Variants in PLXNA3 observed in about 807,000 individuals in gnomAD.
The protein encoded by PLXNA3 is plexin A3.
In PLXNA3, 52 loss-of-function variants were observed where a neutral mutation model predicts 118.8. That is an observed-to-expected ratio of 0.44 (90% CI 0.35 to 0.55). The LOEUF is 0.55. Ranked by LOEUF, PLXNA3 falls within the 20% of genes least tolerant of loss-of-function variation. The pLI, the probability that PLXNA3 is intolerant of heterozygous loss-of-function variation, is 0.01. For missense variants in PLXNA3, 1,660 were observed against 1,730.8 expected (o/e 0.96, Z 0.73); for synonymous variants, 925 against 762.4 (o/e 1.21, Z -3.51).
rs781904684 is a variant in PLXNA3, at chrX:154,461,434, G to A, written c.930G>A (p.Val310=). The change falls in exon 3 of 33, where the codon GTG becomes GTA. Residue 310 remains valine, a synonymous_variant. Coordinates refer to ENST00000369682, the MANE Select transcript of PLXNA3 (RefSeq NM_017514.5). ...PGLLLAQALG[V]PADEDVLFTI... ...TGCTGCTGGCCCAGGCCCTGGGCGT[G>A]CCGGCTGATGAGGACGTCCTCTTCA... 1.7e-6 allele frequency: 2 copies of A among 1,211,426 alleles called. No individual in the cohort carries two copies. Among genetic ancestry groups the A allele is most frequent in the East Asian group, 3.0e-5 (1 of 33,838 alleles).
Position 154,474,314 on chromosome X carries a change from T to C in PLXNA3, c.*1629T>C, listed in dbSNP as rs2069220670. The C allele has an allele frequency of 1.1e-4, 2 of 17,425 alleles. No individual in the cohort carries two copies. Among genetic ancestry groups the C allele is most frequent in the Non-Finnish European group, 4.4e-4 (1 of 2,292 alleles). The allele number at this position is 17,425 out of a possible 1,213,427, so 1.4% of individuals were successfully genotyped here. ...TTAGTGCACTCTACTATGCCAGGCT[T>C]TTTTTTTTTTTTTTTTTGAGATAGG... On this transcript the variant is annotated 3_prime_UTR_variant, in exon 33 of 33. Coordinates refer to ENST00000369682, the MANE Select transcript of PLXNA3 (RefSeq NM_017514.5).
chrX:154,469,764 C>T lies in PLXNA3; in HGVS notation c.4775C>T (p.Thr1592Ile), dbSNP rs1557208713. 6 of 1,208,991 alleles carry T rather than the reference C, an allele frequency of 5.0e-6. No individual in the cohort carries two copies. The Admixed American group carries it at 6.5e-5, about 13-fold the overall frequency. Reference protein sequence around the residue: ...AYNMANSFTFTRSLSRYESLL... With the variant: ...AYNMANSFTFIRSLSRYESLL... ...AACATGGCCAACTCCTTCACCTTCA[C>T]CCGCTCCCTCAGCCGCTACGGTAGG... Residue 1592 changes from threonine (T) to isoleucine (I), a missense_variant, in exon 28 of 33, where the codon ACC becomes ATC. By Grantham distance (89) the Thr-to-Ile change is moderately conservative (BLOSUM62 -1). This residue lies in a region of PLXNA3 where 869 missense variants were observed against 1,078.7 expected (regional missense o/e 0.81). Coordinates refer to ENST00000369682, the MANE Select transcript of PLXNA3 (RefSeq NM_017514.5).
At position 154,460,183 on chromosome X, in the gene PLXNA3, C is replaced by G; in HGVS notation, c.-1C>G. The stretch of plus-strand genomic sequence containing the variant: ...CCTGTCCCCAGGCGCGGCTGCCGGC[C>G]ATGCCCTCTGTCTGCCTCCTCCTGC... On this transcript the variant is annotated 5_prime_UTR_variant, in exon 2 of 33. Coordinates refer to ENST00000369682, the MANE Select transcript of PLXNA3 (RefSeq NM_017514.5). 8.4e-7 allele frequency: 1 copy of G among 1,193,287 alleles called. No individual in the cohort carries two copies. Among genetic ancestry groups the G allele is most frequent in the Non-Finnish European group, 1.1e-6 (1 of 881,427 alleles).
At position 154,462,069 on chromosome X, in the gene PLXNA3, G is replaced by A. The variant is rs782647389; in HGVS notation, c.1135-59G>A. 3.6e-4 allele frequency: 361 copies of A among 998,269 alleles called. 1 individual carries two copies. The highest frequency in any genetic ancestry group is 8.7e-4 in the Middle Eastern group (3 of 3,460). The allele number at this position is 998,269 out of a possible 1,213,427, so 82.3% of individuals were successfully genotyped here. On this transcript the variant is annotated intron_variant, in intron 3 of 32. Coordinates refer to ENST00000369682, the MANE Select transcript of PLXNA3 (RefSeq NM_017514.5). Reference sequence around the variant, plus strand: ...TCTCTTCTGGGACACAGGAACTGCCGGCCTCCATCTTGCGCCTGGGAGCTT... The same window carrying A: ...TCTCTTCTGGGACACAGGAACTGCCAGCCTCCATCTTGCGCCTGGGAGCTT...
chrX:154,464,069 G>A lies in PLXNA3; in HGVS notation c.1666G>A (p.Val556Met), dbSNP rs782366433. ...CAATGTGTCAGTGACGTCACCTGGG[G>A]TGCAGGTGAGCAGCTTGGGGGTGCC... is the stretch of plus-strand genomic sequence containing the variant. Reference protein sequence around the residue: ...PNNVSVTSPGVQLTVTLHNVP... With the variant: ...PNNVSVTSPGMQLTVTLHNVP... Residue 556 changes from valine (V) to methionine (M), a missense_variant, in exon 7 of 33, where the codon GTG becomes ATG. Coordinates refer to ENST00000369682, the MANE Select transcript of PLXNA3 (RefSeq NM_017514.5). 24 of 1,209,866 alleles carry A rather than the reference G, an allele frequency of 2.0e-5. No individual in the cohort carries two copies. In the South Asian group the frequency reaches 3.5e-4, roughly 18 times the overall value.
intron 9 of PLXNA3, 38 bp from the exon 10 acceptor site, chrX:154,464,716 A>G (rs2069046933): frequency 3.2e-6 from 3 of 950,043 alleles, no homozygotes; most frequent in South Asian, 2.3e-5. Flanking sequence ...GGGGCAGTGC[A>G]GCCTCCTCTG....
chrX:154,460,964 C>G, intron 2 of PLXNA3, 135 bp from the exon 3 acceptor site: 6 of 675,240 alleles, frequency 8.9e-6, no homozygotes, highest in African/African-American at 4.3e-5. Flanking sequence ...GCTGGTCACC[C>G]TGCCCTCTGC....
In PLXNA3 at chrX:154,463,483, G is replaced by A. The variant is rs150826326; in HGVS notation, c.1410G>A (p.Pro470=). The stretch of plus-strand genomic sequence containing the variant: ...TCCTCCGAGACCTGCTCTTCAGCCC[G>A]GACCACCGGCACATCTATCTCCTGA... ...SPILRDLLFS[P]DHRHIYLLSE... The change falls in exon 5 of 33, where the codon CCG becomes CCA. Residue 470 remains proline (P), a synonymous_variant. Transcript: ENST00000369682. 5.2e-4 allele frequency: 628 copies of A among 1,204,428 alleles called. 2 individuals carry two copies. The East Asian group carries it at 0.014, about 27-fold the overall frequency.
At chrX:154,461,069 C>T (rs202000751) in intron 2 of PLXNA3, 30 bp from the exon 3 acceptor site, 152 of 1,154,538 alleles carry the variant, frequency 1.3e-4, no homozygotes, top group Middle Eastern at 4.9e-4. Flanking sequence ...AGGGCCTCAC[C>T]GGATGCTGTC....
intron 27 of PLXNA3, 27 bp from the exon 28 acceptor site, chrX:154,469,661 G>T (rs1557208661): frequency 8.5e-7 from 1 of 1,173,079 alleles, no homozygotes; most frequent in South Asian, 1.8e-5. Flanking sequence ...TTCCTGCACT[G>T]CCCCCCTCTG....
intron 4 of PLXNA3, among the ~76,000 whole-genome samples, chrX:154,462,570 C>G (rs2068993548): frequency 8.9e-6 from 1 of 112,180 alleles, no homozygotes. Context: ...GAGAACAGAC[C>G]TATTGTGGAG....
intron 4 of PLXNA3, 87 bp downstream of exon 4, chrX:154,462,397 G>C: frequency 1.4e-6 from 1 of 736,510 alleles, no homozygotes; most frequent in Non-Finnish European, 1.9e-6. Flanking sequence ...AGAGCTCTGA[G>C]GACAGGACAG....
Position 154,464,886 on chromosome X carries a change from T to C in PLXNA3, c.2043+18T>C. The C allele has an allele frequency of 8.9e-7, 1 of 1,124,044 alleles. No homozygotes were observed. The highest frequency in any genetic ancestry group is 1.2e-6 in the Non-Finnish European group (1 of 826,935). 92.6% of individuals were successfully genotyped at this position (1,124,044 alleles called of 1,213,427 possible). On this transcript the variant is annotated intron_variant, in intron 10 of 32. Coordinates refer to ENST00000369682, the MANE Select transcript of PLXNA3 (RefSeq NM_017514.5). ...GCCCTGAGGTGAGGCGGGCGCCGCA[T>C]GTGAGGGGCTGGGCTCTGTGGTGCG...
chrX:154,467,721 C>G, intron 20 of PLXNA3, 33 bp downstream of exon 20: 1 of 1,203,222 alleles, frequency 8.3e-7, no homozygotes, highest in Middle Eastern at 2.3e-4. Flanking sequence ...CCTGGGCAGC[C>G]CAGGGTGGGC....
At position 154,460,676 on chromosome X, in the gene PLXNA3, C is replaced by G. The variant is rs781857218; in HGVS notation, c.493C>G (p.Leu165Val). 3.0e-5 allele frequency: 35 copies of G among 1,162,895 alleles called. No homozygotes were observed. Among genetic ancestry groups the G allele is most frequent in the Middle Eastern group, 4.8e-4 (2 of 4,165 alleles). The change falls in exon 2 of 33, where the codon CTG becomes GTG. Residue 165 changes from leucine (L) to valine (V), a missense_variant. Around this residue, in one of 2 missense-constraint regions of PLXNA3, gnomAD observed 791 missense variants for 652.1 expected, o/e 1.21. Transcript: ENST00000369682. ...GGAGCAGGGCCAGGGGCCCAGCAAG[C>G]TGTTTGTGGGCACTGCTGTCGACGG... ...IVEQGQGPSK[L>V]FVGTAVDGKS...
At chrX:154,469,519 T>G in intron 27 of PLXNA3, 37 bp downstream of exon 27, 2 of 1,091,312 alleles carry the variant, frequency 1.8e-6, no homozygotes, top group Non-Finnish European at 2.5e-6. Flanking sequence ...CAGGGCCACC[T>G]GGGAGCCAGG....
Position 154,474,776 on chromosome X carries a change from C to CTTTTT in PLXNA3, c.*2117_*2121dup, listed in dbSNP as rs782102676. On this transcript the variant is annotated 3_prime_UTR_variant, in exon 33 of 33. Coordinates refer to ENST00000369682, the MANE Select transcript of PLXNA3 (RefSeq NM_017514.5). Reference sequence around the variant, plus strand: ...ACAGGCGTGAGCCACCATGCCTGACCTTTTTTTTTTTTTTTTTTTTTTTTT... The same window carrying CTTTTT: ...ACAGGCGTGAGCCACCATGCCTGACCTTTTTTTTTTTTTTTTTTTTTTTTTTTTTT... 2 of 26,768 alleles carry CTTTTT rather than the reference C, an allele frequency of 7.5e-5. No homozygotes were observed. Among genetic ancestry groups the CTTTTT allele is most frequent in the African/African-American group, 1.2e-4 (1 of 8,537 alleles). 2.2% of individuals were successfully genotyped at this position (26,768 alleles called of 1,213,427 possible).
At position 154,477,514 on chromosome X, in the gene PLXNA3, AAAT is replaced by A. The variant is rs1478469606; in HGVS notation, c.*4831_*4833del. On this transcript the variant is annotated 3_prime_UTR_variant, in exon 33 of 33. Coordinates refer to ENST00000369682, the MANE Select transcript of PLXNA3 (RefSeq NM_017514.5). Reference sequence around the variant, plus strand: ...GAAAAAAATTTAACACTAAACTTGCAAATATTATGTGGTGTATATTACAGTTAC... The same window carrying A: ...GAAAAAAATTTAACACTAAACTTGCAATTATGTGGTGTATATTACAGTTAC... 1 of 117,086 alleles carries A rather than the reference AAAT, an allele frequency of 8.5e-6. No homozygotes were observed. The highest frequency in any genetic ancestry group is 1.8e-5 in the Non-Finnish European group (1 of 56,567). The allele number at this position is 117,086 out of a possible 1,213,427, so 9.6% of individuals were successfully genotyped here. A position where few individuals can be genotyped will look rare whatever the true frequency, so the allele number is the denominator to read the frequency against.
Position 154,465,212 on chromosome X carries a change from C to T in PLXNA3, c.2238C>T (p.Asn746=), listed in dbSNP as rs2069058319. The change falls in exon 11 of 33, where the codon AAC becomes AAT. Residue 746 remains asparagine (N), a synonymous_variant. Coordinates refer to ENST00000369682, the MANE Select transcript of PLXNA3 (RefSeq NM_017514.5). ...ACAGCAGCAGTGTGCAGTGCCAGAA[C>T]GCCTCGGTGAGGTCCCACCCGCTGC... The part of the protein sequence containing the change: ...RFNSSSVQCQ[N]ASYSYEGDEH... The T allele has an allele frequency of 2.5e-6, 3 of 1,204,364 alleles. No individual in the cohort carries two copies. The highest frequency in any genetic ancestry group is 2.9e-4 in the Middle Eastern group (1 of 3,395).
Sources: gnomAD v4.1 joint callset for allele counts (sites outside exome capture counted in the v4.1 genomes callset) on GRCh38, gnomAD v4.1.1 for gene constraint, gnomAD v4.1.1 regional missense constraint, MANE v1.5 for transcripts, NCBI Gene and HGNC (gene_info 2026-07-23, HGNC 2026-07-21) for gene names.